CPAMD8: variants seen among roughly 807,000 people sequenced by gnomAD.
CPAMD8 encodes the protein C3 and PZP-like alpha-2-macroglobulin domain-containing protein 8.
CPAMD8 carries 146 observed loss-of-function variants against 224.7 expected under a neutral mutation model. The observed-to-expected ratio is 0.65, with a 90% CI of 0.57 to 0.75. The LOEUF is 0.75. CPAMD8 is among the 30% of genes least tolerant of loss of function. The pLI, the probability that CPAMD8 is intolerant of heterozygous loss-of-function variation, is 0.00. For missense variants in CPAMD8, 2,301 were observed against 2,537.5 expected (o/e 0.91, Z 2.00); for synonymous variants, 966 against 1,044.6 (o/e 0.92, Z 1.45).
chr19:16,976,690 G>A (rs924670578), intron 15 of CPAMD8, among the ~76,000 whole-genome samples: 3 of 151,894 alleles, frequency 2.0e-5, no homozygotes, highest in Non-Finnish European at 4.4e-5. Flanking sequence ...AACACAGAGG[G>A]ACAGGCAGAG....
At position 16,898,834 on chromosome 19, in the gene CPAMD8, T is replaced by C. The variant is rs1488276661; in HGVS notation, c.4848+641A>G. 6.6e-6 allele frequency among the ~76,000 whole-genome samples: 1 copy of C among 152,194 alleles called. No homozygotes were observed. Among genetic ancestry groups the C allele is most frequent in the Admixed American group, 6.6e-5 (1 of 15,262 alleles). The stretch of plus-strand genomic sequence containing the variant: ...CACTGCGGCCCCTCCCTGCTTTTTC[T>C]ACCAACTGCCATCAGCCGAGGGCAC... On this transcript the variant is annotated intron_variant, in intron 37 of 41. Coordinates refer to ENST00000443236, the MANE Select transcript of CPAMD8 (RefSeq NM_015692.5). The surrounding 1 kb of genome is among the most constrained non-coding windows in gnomAD (Gnocchi z 4.2).
At chr19:16,942,328 G>T (rs571582754) in intron 22 of CPAMD8, among the ~76,000 whole-genome samples, 1 of 152,110 alleles carries the variant, frequency 6.6e-6, no homozygotes, top group Non-Finnish European at 1.5e-5. Flanking sequence ...CAGGTGTGGT[G>T]GTGCATGCCT....
At chr19:17,021,219 G>A (rs2056947078) in intron 2 of CPAMD8, among the ~76,000 whole-genome samples, 1 of 152,184 alleles carries the variant, frequency 6.6e-6, no homozygotes, top group Non-Finnish European at 1.5e-5. Context: ...AAGCTGGCCA[G>A]CAATACCAGT....
chr19:16,894,678 G>T (rs1213596479), intron 41 of CPAMD8: 1 of 338,822 alleles, frequency 3.0e-6, no homozygotes, highest in Non-Finnish European at 6.0e-6. Context: ...CGGTAAGAGG[G>T]GAGTAGCTTG....
chr19:16,949,185 T>A lies in CPAMD8; in HGVS notation c.2509-1958A>T, dbSNP rs545606423. 3.3e-5 allele frequency among the ~76,000 whole-genome samples: 5 copies of A among 152,020 alleles called. No individual in the cohort carries two copies. In the South Asian group the frequency reaches 1.0e-3, roughly 32 times the overall value. On this transcript the variant is annotated intron_variant, in intron 20 of 41. Transcript: ENST00000443236. ...ACTGGAGGGTCTGAATGGGTATGTT[T>A]TCTCTGTCTTGGGGATGGTCATACA...
At chr19:16,925,115 C>T (rs1484499754) in intron 26 of CPAMD8, 81 bp downstream of exon 26, 1 of 1,477,520 alleles carries the variant, frequency 6.8e-7, no homozygotes, top group Non-Finnish European at 9.4e-7. Flanking sequence ...GTGTGGGCCA[C>T]CTCCAGCGTG....
At chr19:16,915,894 C>T (rs1383901688) in intron 27 of CPAMD8, among the ~76,000 whole-genome samples, 1 of 149,684 alleles carries the variant, frequency 6.7e-6, no homozygotes, top group Non-Finnish European at 1.5e-5. Context: ...CTTTCTTTTT[C>T]TTTCTTTCTT....
chr19:16,987,179 A>AAAAAAAATATATATAT (rs1555784836), intron 13 of CPAMD8, among the ~76,000 whole-genome samples: 2 of 53,920 alleles, frequency 3.7e-5, no homozygotes, highest in Non-Finnish European at 5.8e-5. Flanking sequence ...AAAAAAAAAA[A>AAAAAAAATATATATAT]ATATATATAT....
chr19:17,002,194 T>C (rs927658183), intron 9 of CPAMD8, 72 bp downstream of exon 9: 1 of 1,039,914 alleles, frequency 9.6e-7, no homozygotes, highest in Non-Finnish European at 1.5e-6. Context: ...GGAACGACCT[T>C]GAGGGAGCAG....
At chr19:16,972,502 G>T (rs1338648352) in intron 17 of CPAMD8, among the ~76,000 whole-genome samples, 1 of 151,772 alleles carries the variant, frequency 6.6e-6, no homozygotes, top group African/African-American at 2.4e-5. Flanking sequence ...GCGCGATCTC[G>T]GCTCACTGTA....
chr19:16,985,842 G>A (rs1338555666), intron 13 of CPAMD8, among the ~76,000 whole-genome samples: 1 of 151,854 alleles, frequency 6.6e-6, no homozygotes, highest in Non-Finnish European at 1.5e-5. Flanking sequence ...AGAGAGAGAT[G>A]GAGGGTGGAT....
chr19:16,945,836 T>C (rs2054056872), intron 21 of CPAMD8, among the ~76,000 whole-genome samples, 157 bp from the exon 22 acceptor site: 1 of 151,998 alleles, frequency 6.6e-6, no homozygotes, highest in Non-Finnish European at 1.5e-5. Context: ...TGCAAGTGTG[T>C]ATGTCTGCAC....
At chr19:16,938,261 T>C (rs2053763866) in intron 23 of CPAMD8, 134 bp downstream of exon 23, 2 of 543,328 alleles carry the variant, frequency 3.7e-6, no homozygotes, top group Non-Finnish European at 6.5e-6. Flanking sequence ...TAAACCACAG[T>C]GCCCCCTTCC....
chr19:17,011,875 C>T (rs1442537985), intron 3 of CPAMD8, 118 bp from the exon 4 acceptor site: 12 of 1,157,718 alleles, frequency 1.0e-5, no homozygotes, highest in African/African-American at 3.1e-5. Flanking sequence ...GACTGTGCCC[C>T]AGGGGGACAC....
intron 36 of CPAMD8, among the ~76,000 whole-genome samples, chr19:16,900,076 A>C: frequency 6.6e-6 from 1 of 150,916 alleles, no homozygotes; most frequent in Non-Finnish European, 1.5e-5. Context: ...GGTCCCTGAA[A>C]CCCTCGCTTC....
Position 16,903,786 on chromosome 19 carries a change from A to C in CPAMD8, c.4323T>G (p.Thr1441=). Residue 1441 remains threonine, a synonymous_variant, in exon 33 of 42, where the codon ACT becomes ACG. Coordinates refer to ENST00000443236, the MANE Select transcript of CPAMD8 (RefSeq NM_015692.5). The part of the protein sequence containing the change: ...ILSYAGGINL[T]VSLASTNLDY... Reference sequence around the variant, plus strand: ...CCAGGTTGGTGGAGGCCAGGGAGACAGTGAGGTTGATGCCTCCAGCATAGG... The same window carrying C: ...CCAGGTTGGTGGAGGCCAGGGAGACCGTGAGGTTGATGCCTCCAGCATAGG... The C allele has an allele frequency of 6.2e-7, 1 of 1,614,170 alleles. No homozygotes were observed. Among genetic ancestry groups the C allele is most frequent in the Non-Finnish European group, 8.5e-7 (1 of 1,179,984 alleles).
At chr19:16,989,546 C>G in intron 13 of CPAMD8, 97 bp downstream of exon 13, 1 of 1,476,620 alleles carries the variant, frequency 6.8e-7, no homozygotes, top group East Asian at 2.3e-5. Flanking sequence ...CTCGGCCTCC[C>G]AAAATGCTGG....
rs372649628 is a variant in CPAMD8, at chr19:16,952,049, T to C, written c.2428A>G (p.Met810Val). 53 of 1,578,536 alleles carry C rather than the reference T, an allele frequency of 3.4e-5. No homozygotes were observed. In the East Asian group the frequency reaches 5.5e-4, roughly 16 times the overall value. The part of the protein sequence containing the change: ...KTFKPFFVDF[M>V]LPALIIRGEQ... ...CCACGGATGATGAGAGCGGGGAGCA[T>C]GAAGTCCACGAAGAAGGGCTTGAAG... Residue 810 changes from methionine to valine, a missense_variant, in exon 20 of 42, where the codon ATG becomes GTG. Physicochemically the swap from Met to Val is conservative, Grantham distance 21. Transcript: ENST00000443236.
At chr19:16,960,219 A>G (rs1164176580) in intron 18 of CPAMD8, among the ~76,000 whole-genome samples, 1 of 152,052 alleles carries the variant, frequency 6.6e-6, no homozygotes, top group Non-Finnish European at 1.5e-5. Flanking sequence ...CTCAAAAAAA[A>G]AAAAAAGGCT....
Sources: gnomAD v4.1 joint callset for allele counts (sites outside exome capture counted in the v4.1 genomes callset) on GRCh38, gnomAD v4.1.1 for gene constraint, Gnocchi (gnomAD v3.1) non-coding constraint, MANE v1.5 for transcripts, NCBI Gene and HGNC (gene_info 2026-07-23, HGNC 2026-07-21) for gene names.